PCSK2: variants seen among roughly 807,000 people sequenced by gnomAD.
The protein encoded by PCSK2 is proprotein convertase subtilisin/kexin type 2.
PCSK2 carries 14 observed loss-of-function variants against 69.7 expected under a neutral mutation model. The ratio of observed to expected loss-of-function variants is 0.20; its 90% CI spans 0.13 to 0.31. PCSK2 has a LOEUF of 0.31. Among genes scored for constraint, PCSK2 ranks in the 10% least tolerant of loss-of-function variants. The probability of loss-of-function intolerance (pLI) is 1.00; values close to 1 mark genes in which losing one functional copy is unlikely to be tolerated. For missense variants in PCSK2, 544 were observed against 842.5 expected, an observed-to-expected ratio of 0.65 and a Z score of 4.39; for synonymous variants, 307 against 320.7, an observed-to-expected ratio of 0.96 and a Z score of 0.46.
rs1233094865 is a variant in PCSK2 at position 17,269,663 on chromosome 20, G to T, written c.282+9319G>T. Among the ~76,000 whole-genome samples the T allele has an allele frequency of 7.9e-5, 12 of 152,268 alleles. No individual in the cohort carries two copies. In the East Asian group the frequency reaches 1.9e-3, roughly 25 times the overall value. ...CAGGAGGTCACATTTGACTCAGAAT[G>T]TTGAGAATCTAGCTCTTAAACCTGC... On this transcript the variant is annotated intron_variant, in intron 2 of 11. Coordinates refer to ENST00000262545, the MANE Select transcript of PCSK2 (RefSeq NM_002594.5).
chr20:17,229,732 C>T (rs1600392347), intron 1 of PCSK2, among the ~76,000 whole-genome samples: 1 of 152,004 alleles, frequency 6.6e-6, no homozygotes, highest in Admixed American at 6.5e-5. Flanking sequence ...ACAGGGACTG[C>T]CTGGTGCAAC....
intron 7 of PCSK2, among the ~76,000 whole-genome samples, chr20:17,435,882 G>T (rs1274769546): frequency 6.6e-6 from 1 of 152,196 alleles, no homozygotes; most frequent in Admixed American, 6.5e-5. Context: ...AGAGGCCTTT[G>T]TGGATGGCCA....
chr20:17,397,572 T>C (rs1459261202), intron 5 of PCSK2, among the ~76,000 whole-genome samples: 1 of 151,840 alleles, frequency 6.6e-6, no homozygotes, highest in African/African-American at 2.4e-5. Flanking sequence ...CTCCACCTCC[T>C]AGGTTCAAGC....
intron 4 of PCSK2, among the ~76,000 whole-genome samples, chr20:17,362,254 G>A (rs2030420905): frequency 6.6e-6 from 1 of 152,206 alleles, no homozygotes; most frequent in South Asian, 2.1e-4. Flanking sequence ...TTCTTCAGCT[G>A]ATTAATGGCC....
intron 2 of PCSK2, among the ~76,000 whole-genome samples, chr20:17,324,836 C>T (rs1166587536): frequency 6.6e-6 from 1 of 152,156 alleles, no homozygotes; most frequent in Non-Finnish European, 1.5e-5. Context: ...ATGGGGATGT[C>T]CCAAATAATC....
At chr20:17,431,677 A>T (rs8182661) in intron 7 of PCSK2, among the ~76,000 whole-genome samples, 1 of 152,202 alleles carries the variant, frequency 6.6e-6, no homozygotes, top group Non-Finnish European at 1.5e-5. Flanking sequence ...CTCCAGTCCC[A>T]TGCCTGTGCC....
chr20:17,274,168 T>C (rs144484190), intron 2 of PCSK2, among the ~76,000 whole-genome samples: 4 of 152,306 alleles, frequency 2.6e-5, no homozygotes, highest in African/African-American at 9.6e-5. Flanking sequence ...ATTCTATTAT[T>C]CTGGGTGATC....
At chr20:17,237,666 C>G (rs951942543) in intron 1 of PCSK2, among the ~76,000 whole-genome samples, 2 of 152,074 alleles carry the variant, frequency 1.3e-5, no homozygotes, top group African/African-American at 4.8e-5. Context: ...ATTTGGGTCC[C>G]CAGATGTAGG....
intron 2 of PCSK2, among the ~76,000 whole-genome samples, chr20:17,288,509 T>G (rs1455298628): frequency 1.3e-5 from 2 of 152,202 alleles, no homozygotes; most frequent in African/African-American, 4.8e-5. Context: ...TGTTCTGGGC[T>G]GAATTGTTTC....
At chr20:17,405,784 T>G (rs573207842) in intron 5 of PCSK2, among the ~76,000 whole-genome samples, 1 of 152,144 alleles carries the variant, frequency 6.6e-6, no homozygotes, top group African/African-American at 2.4e-5. Context: ...TGGGTTTTTT[T>G]CCCCTGTGCA....
chr20:17,264,239 T>C (rs1987505103), intron 2 of PCSK2, among the ~76,000 whole-genome samples: 1 of 152,216 alleles, frequency 6.6e-6, no homozygotes, highest in Admixed American at 6.5e-5. Context: ...ATAATTTAAT[T>C]AAAAAATAAC....
At chr20:17,325,446 A>AT (rs1375763366) in intron 2 of PCSK2, among the ~76,000 whole-genome samples, 1 of 152,190 alleles carries the variant, frequency 6.6e-6, no homozygotes, top group East Asian at 1.9e-4. Context: ...AAAATAACCC[A>AT]ATGGGGCGTG....
intron 5 of PCSK2, among the ~76,000 whole-genome samples, chr20:17,384,880 A>G (rs2031193518): frequency 6.6e-6 from 1 of 152,114 alleles, no homozygotes; most frequent in African/African-American, 2.4e-5. Context: ...GTGAGCCACA[A>G]TCACACCACT....
At chr20:17,271,689 A>G (rs931387241) in intron 2 of PCSK2, among the ~76,000 whole-genome samples, 3 of 152,108 alleles carry the variant, frequency 2.0e-5, no homozygotes, top group Non-Finnish European at 4.4e-5. Flanking sequence ...GCTAATTGTT[A>G]CCTCCAATAA....
intron 7 of PCSK2, 150 bp from the exon 8 acceptor site, chr20:17,436,558 C>T (rs2123350912): frequency 1.7e-6 from 1 of 603,652 alleles, no homozygotes; most frequent in Non-Finnish European, 2.9e-6. Context: ...GTCTGTGCCT[C>T]TTTCTTGATC....
intron 11 of PCSK2, among the ~76,000 whole-genome samples, chr20:17,468,445 C>G (rs2033144169): frequency 1.4e-5 from 2 of 147,560 alleles, no homozygotes; most frequent in African/African-American, 5.0e-5. Context: ...TCAGCATCCT[C>G]CCACGGGCCA....
intron 5 of PCSK2, among the ~76,000 whole-genome samples, chr20:17,371,329 G>A (rs982204337): frequency 2.0e-5 from 3 of 152,158 alleles, no homozygotes; most frequent in African/African-American, 7.2e-5. Flanking sequence ...AGAATCCTCT[G>A]GGGTTCCAGT....
chr20:17,464,369 G>A (rs908932542), intron 10 of PCSK2: 3 of 131,388 alleles, frequency 2.3e-5, no homozygotes, highest in African/African-American at 6.1e-5. Flanking sequence ...TTTACAAGAA[G>A]ACTAGTTTAT....
At chr20:17,250,013 A>T (rs373554052) in intron 1 of PCSK2, among the ~76,000 whole-genome samples, 21 of 152,352 alleles carry the variant, frequency 1.4e-4, no homozygotes, top group African/African-American at 5.1e-4. Context: ...TATTTATCAC[A>T]ATAAAAACAT....
Sources: allele counts gnomAD v4.1 joint callset (sites outside exome capture counted in the v4.1 genomes callset), GRCh38; gene constraint gnomAD v4.1.1; transcripts MANE v1.5; gene names NCBI Gene and HGNC (gene_info 2026-07-23, HGNC 2026-07-21).